Variants in CLEC2A observed in about 807,000 individuals in gnomAD.
CLEC2A encodes keratinocyte-associated C-type lectin.
Under a neutral mutation model 18.6 loss-of-function variants are expected in CLEC2A, and 19 were observed. The observed-to-expected ratio is 1.02, with a 90% CI of 0.71 to 1.50. The LOEUF is 1.50. Ranked by LOEUF, CLEC2A falls within the 40% of genes most tolerant of loss-of-function variation. The pLI is 0.00. For missense variants in CLEC2A, 190 were observed against 207.9 expected, an observed-to-expected ratio of 0.91 and a Z score of 0.53; for synonymous variants, 74 against 64.0, an observed-to-expected ratio of 1.16 and a Z score of -0.75.
intron 4 of CLEC2A, among the ~76,000 whole-genome samples, chr12:9,903,109 A>G (rs1862858760): frequency 1.3e-5 from 2 of 152,184 alleles, no homozygotes. Flanking sequence ...CCTCTGAACA[A>G]AGAACAAGGA....
the CLEC2A span, chr12:9,893,551 T>C: frequency 8.8e-7 from 1 of 1,134,642 alleles, no homozygotes; most frequent in South Asian, 1.4e-5. Flanking sequence ...TGTGAGTAGT[T>C]ATTTGTAAGG....
At chr12:9,902,780 T>C (rs1591784288) in intron 4 of CLEC2A, among the ~76,000 whole-genome samples, 4 of 152,314 alleles carry the variant, frequency 2.6e-5, no homozygotes, top group Middle Eastern at 3.4e-3. Flanking sequence ...AAGAGCACAC[T>C]GAACAAAGGA....
At chr12:9,883,728 A>T in the CLEC2A span, among the ~76,000 whole-genome samples, 1 of 152,216 alleles carries the variant, frequency 6.6e-6, no homozygotes, top group South Asian at 2.1e-4. Flanking sequence ...GGACTTAGTA[A>T]TACAGACAAT....
the CLEC2A span, among the ~76,000 whole-genome samples, chr12:9,883,550 T>C: frequency 2.6e-5 from 4 of 152,228 alleles, no homozygotes; most frequent in African/African-American, 9.6e-5. Context: ...CTCCCTGGCA[T>C]GTATGGAAAG....
intron 1 of CLEC2A, among the ~76,000 whole-genome samples, chr12:9,927,686 T>C (rs140841365): frequency 6.6e-6 from 1 of 152,146 alleles, no homozygotes; most frequent in Non-Finnish European, 1.5e-5. Context: ...AGACTACAGA[T>C]AATGTGCAAT....
chr12:9,880,973 T>G, the CLEC2A span, among the ~76,000 whole-genome samples: 3 of 152,060 alleles, frequency 2.0e-5, no homozygotes, highest in Non-Finnish European at 4.4e-5. Flanking sequence ...TGAAGGAAAA[T>G]CTGCCTGGCG....
downstream of CLEC2A, chr12:9,895,956 A>T: frequency 1.1e-6 from 1 of 913,212 alleles, no homozygotes; most frequent in Non-Finnish European, 1.5e-6. Context: ...TAAATAGGAG[A>T]AAAGTATTTT....
At chr12:9,928,962 C>T (rs894676231) in intron 1 of CLEC2A, among the ~76,000 whole-genome samples, 3 of 151,936 alleles carry the variant, frequency 2.0e-5, no homozygotes, top group African/African-American at 7.2e-5. Flanking sequence ...AAATATATGT[C>T]CTTCATTCCT....
At chr12:9,926,720 A>G (rs1396422143) in intron 1 of CLEC2A, among the ~76,000 whole-genome samples, 1 of 152,228 alleles carries the variant, frequency 6.6e-6, no homozygotes, top group African/African-American at 2.4e-5. Flanking sequence ...ATATAAGGCA[A>G]TAGGATTAAA....
At chr12:9,885,128 C>A in the CLEC2A span, 1 of 385,382 alleles carries the variant, frequency 2.6e-6, no homozygotes. Flanking sequence ...CACTGTAGTC[C>A]AAAACTGGCA....
intron 4 of CLEC2A, among the ~76,000 whole-genome samples, chr12:9,915,867 A>G (rs892042435): frequency 6.6e-6 from 1 of 152,240 alleles, no homozygotes; most frequent in African/African-American, 2.4e-5. Context: ...TTACAGTAAA[A>G]TAAAAATATA....
chr12:9,895,589 T>C (rs1862747280), downstream of CLEC2A: 1 of 1,100,942 alleles, frequency 9.1e-7, no homozygotes, highest in Non-Finnish European at 1.2e-6. Flanking sequence ...AAACTTTGGC[T>C]GCTGAAGAAT....
downstream of CLEC2A, among the ~76,000 whole-genome samples, chr12:9,908,500 GA>G (rs1862935823): frequency 6.6e-6 from 1 of 152,106 alleles, no homozygotes; most frequent in East Asian, 1.9e-4. Context: ...CAGATGGAGG[GA>G]AACAGAGGAG....
downstream of CLEC2A, chr12:9,898,667 C>T (rs1316879948): frequency 4.5e-6 from 2 of 448,470 alleles, no homozygotes; most frequent in South Asian, 5.6e-5. Flanking sequence ...AGGCAATTAA[C>T]TCCTTCAAGA....
chr12:9,893,285 A>G, the CLEC2A span: 53 of 954,356 alleles, frequency 5.6e-5, no homozygotes, highest in East Asian at 4.2e-4. Context: ...GTTAGCCACA[A>G]TGTAGTCACT....
the CLEC2A span, among the ~76,000 whole-genome samples, chr12:9,878,223 G>A: frequency 6.6e-6 from 1 of 152,146 alleles, no homozygotes; most frequent in African/African-American, 2.4e-5. Context: ...AGAGAATGGA[G>A]ACTTCCTTTT....
chr12:9,910,149 G>T (rs1862962688), downstream of CLEC2A, among the ~76,000 whole-genome samples: 1 of 152,118 alleles, frequency 6.6e-6, no homozygotes, highest in South Asian at 2.1e-4. Context: ...GAGGGTTTGA[G>T]GATTGGCTCT....
At chr12:9,902,322 C>T (rs1394458179) in intron 4 of CLEC2A, among the ~76,000 whole-genome samples, 1 of 151,386 alleles carries the variant, frequency 6.6e-6, no homozygotes. Flanking sequence ...CAACCTCTGC[C>T]TCCTGGGTTC....
Position 9,913,478 on chromosome 12 carries a change from T to C in CLEC2A, c.*88A>G, listed in dbSNP as rs117483654. On this transcript the variant is annotated 3_prime_UTR_variant, in exon 5 of 5. Coordinates refer to ENST00000455827, the MANE Select transcript of CLEC2A (RefSeq NM_001130711.2). ...CCCTCACCAGAGGTTCCGTATTCTG[T>C]AACAGAATAAGTGAGAAAGCCACTT... 35,010 of 1,472,136 alleles carry C rather than the reference T, an allele frequency of 0.024. 519 individuals are homozygous for C. The highest frequency in any genetic ancestry group is 0.027 in the Non-Finnish European group (30,782 of 1,119,690). The allele number at this position is 1,472,136 out of a possible 1,614,324, so 91.2% of individuals were successfully genotyped here.
Sources: gnomAD v4.1 joint callset for allele counts (sites outside exome capture counted in the v4.1 genomes callset) on GRCh38, gnomAD v4.1.1 for gene constraint, MANE v1.5 for transcripts, NCBI Gene and HGNC (gene_info 2026-07-23, HGNC 2026-07-21) for gene names.